ISLR2: variants seen among roughly 807,000 people sequenced by gnomAD.
ISLR2 encodes the protein immunoglobulin superfamily containing leucine-rich repeat protein 2.
Under a neutral mutation model 25.5 loss-of-function variants are expected in ISLR2, and 16 were observed. That is an observed-to-expected ratio of 0.63 (90% CI 0.43 to 0.95). The LOEUF is 0.95. Ranked by LOEUF, ISLR2 falls within the 40% of genes least tolerant of loss-of-function variation. ISLR2 has a pLI of 0.00. For missense variants in ISLR2, 883 were observed against 1,030.7 expected (o/e 0.86, Z 1.96); for synonymous variants, 508 against 486.6 (o/e 1.04, Z -0.58).
At chr15:74,125,863 A>AT (rs1385783209), upstream of ISLR2, 3 of 152,268 alleles carry the variant, frequency 2.0e-5, no homozygotes, top group South Asian at 2.1e-4. Context: ...GCAAATGTGG[A>AT]TTTTTTTGTT....
At chr15:74,137,572 G>C (rs2072583009), downstream of ISLR2, among the ~76,000 whole-genome samples, 1 of 152,148 alleles carries the variant, frequency 6.6e-6, no homozygotes, top group African/African-American at 2.4e-5. Flanking sequence ...AGAGACAGGG[G>C]GATCAAGAAA....
intron 2 of ISLR2, among the ~76,000 whole-genome samples, chr15:74,115,665 A>C (rs2072204470): frequency 6.6e-6 from 1 of 152,138 alleles, no homozygotes; most frequent in Non-Finnish European, 1.5e-5. Context: ...ACTGCACTCC[A>C]GCCTGGGTGA....
chr15:74,139,923 C>A (rs1213260040), downstream of ISLR2, among the ~76,000 whole-genome samples: 1 of 138,696 alleles, frequency 7.2e-6, no homozygotes, highest in African/African-American at 2.8e-5. Context: ...TCTTGAGAGA[C>A]CTGGAAAATG....
intron 1 of ISLR2, among the ~76,000 whole-genome samples, chr15:74,102,384 A>G (rs1006988495): frequency 2.2e-5 from 3 of 135,712 alleles, no homozygotes; most frequent in African/African-American, 8.5e-5. Flanking sequence ...CAAATTTAAC[A>G]TTAGACAGAC....
intron 2 of ISLR2, among the ~76,000 whole-genome samples, chr15:74,112,915 C>T (rs1050491006): frequency 6.6e-6 from 1 of 151,366 alleles, no homozygotes; most frequent in African/African-American, 2.4e-5. Flanking sequence ...GCAACCTGCA[C>T]CTCCCAGGCC....
chr15:74,133,030 A>G lies in ISLR2; in HGVS notation c.276A>G (p.Pro92=), dbSNP rs779435842. 18 of 1,613,244 alleles carry G rather than the reference A, an allele frequency of 1.1e-5. 1 individual carries two copies. In the South Asian group the frequency reaches 2.0e-4, roughly 18 times the overall value. ...ACAATGAGGTGCGCACCGTGGAGCC[A>G]GGCGCACTGGCCGTGCTGAGTCAGC... ...LAHNEVRTVE[P]GALAVLSQLK... Residue 92 remains proline, a synonymous_variant, in exon 3 of 3, where the codon CCA becomes CCG. Coordinates refer to ENST00000453268, the MANE Select transcript of ISLR2 (RefSeq NM_020851.3).
At chr15:74,136,971 C>G (rs987602286), downstream of ISLR2, among the ~76,000 whole-genome samples, 2 of 152,122 alleles carry the variant, frequency 1.3e-5, no homozygotes, top group Non-Finnish European at 2.9e-5. Flanking sequence ...TGCACCCAGC[C>G]CTGCTCTTAG....
At chr15:74,108,354 T>A (rs1157107010) in intron 2 of ISLR2, among the ~76,000 whole-genome samples, 1 of 151,958 alleles carries the variant, frequency 6.6e-6, no homozygotes, top group Non-Finnish European at 1.5e-5. Context: ...TCCAAACAAG[T>A]CCCTGTGTGT....
chr15:74,141,706 A>G (rs558843941), downstream of ISLR2, among the ~76,000 whole-genome samples: 1 of 152,292 alleles, frequency 6.6e-6, no homozygotes, highest in East Asian at 1.9e-4. Context: ...AAAGAAACCA[A>G]AGAGCACAGA....
chr15:74,139,280 C>T (rs2072597999), downstream of ISLR2, among the ~76,000 whole-genome samples: 1 of 152,204 alleles, frequency 6.6e-6, no homozygotes, highest in African/African-American at 2.4e-5. Flanking sequence ...AATCCCAGCC[C>T]TCTCAGGAAA....
Position 74,133,063 on chromosome 15 carries a change from C to T in ISLR2, c.309C>T (p.Asn103=), listed in dbSNP as rs1430623305. ...GALAVLSQLK[N]LDLSHNFISS... ...TGGCCGTGCTGAGTCAGCTCAAGAA[C>T]CTCGATCTGAGCCACAACTTCATAT... is the stretch of plus-strand genomic sequence containing the variant. The change falls in exon 3 of 3, where the codon AAC becomes AAT. Residue 103 remains asparagine, a synonymous_variant. Coordinates refer to ENST00000453268, the MANE Select transcript of ISLR2 (RefSeq NM_020851.3). 1 of 1,613,104 alleles carries T rather than the reference C, an allele frequency of 6.2e-7. No individual in the cohort carries two copies. Among genetic ancestry groups the T allele is most frequent in the Admixed American group, 1.7e-5 (1 of 60,024 alleles).
chr15:74,134,446 C>T lies in ISLR2; in HGVS notation c.1692C>T (p.Tyr564=), dbSNP rs760545016. ...GCGGCCTGCGGCCGGGTACCAACTACTCCGTGTGCCTGGCGCTGGCGGGCG... is the reference window on the plus strand; with the variant it reads ...GCGGCCTGCGGCCGGGTACCAACTATTCCGTGTGCCTGGCGCTGGCGGGCG... The part of the protein sequence containing the change: ...WFRGLRPGTN[Y]SVCLALAGEA... The change falls in exon 3 of 3, where the codon TAC becomes TAT. Residue 564 remains tyrosine (Y), a synonymous_variant. Coordinates refer to ENST00000453268, the MANE Select transcript of ISLR2 (RefSeq NM_020851.3). 3 of 1,612,970 alleles carry T rather than the reference C, an allele frequency of 1.9e-6. No individual in the cohort carries two copies. The highest frequency in any genetic ancestry group is 1.7e-5 in the Admixed American group (1 of 59,980).
At chr15:74,128,743 C>A (rs113874778), upstream of ISLR2, 272 of 441,162 alleles carry the variant, frequency 6.2e-4, no homozygotes, top group Middle Eastern at 1.0e-3. Context: ...CCATGCCGGA[C>A]CGGACTCAGC....
intron 2 of ISLR2, among the ~76,000 whole-genome samples, chr15:74,112,186 T>C (rs2072173284): frequency 6.6e-6 from 1 of 152,232 alleles, no homozygotes; most frequent in Non-Finnish European, 1.5e-5. Context: ...CTGGCATCTA[T>C]AACCCATTCA....
downstream of ISLR2, among the ~76,000 whole-genome samples, chr15:74,137,194 G>T (rs2072578742): frequency 6.6e-6 from 1 of 152,200 alleles, no homozygotes; most frequent in South Asian, 2.1e-4. Flanking sequence ...GTGTCACACT[G>T]CCCAGTTTCT....
At chr15:74,120,600 G>A (rs1344107954) in intron 2 of ISLR2, among the ~76,000 whole-genome samples, 1 of 152,010 alleles carries the variant, frequency 6.6e-6, no homozygotes, top group Non-Finnish European at 1.5e-5. Flanking sequence ...TGGGTTTACG[G>A]TGGTGCACTC....
In ISLR2 at chr15:74,133,459, G is replaced by A. The variant is rs771609309; in HGVS notation, c.705G>A (p.Val235=). 33 of 1,611,752 alleles carry A rather than the reference G, an allele frequency of 2.0e-5. No homozygotes were observed. Among genetic ancestry groups the A allele is most frequent in the Non-Finnish European group, 2.5e-5 (29 of 1,179,754 alleles). ...CCCTGCCCTGTGCACCGCCCAGCGT[G>A]CATCTGAGTGCCGAGCCACCGCTTG... ...LPALPCAPPS[V]HLSAEPPLEA... Residue 235 remains valine, a synonymous_variant, in exon 3 of 3, where the codon GTG becomes GTA. Transcript: ENST00000453268.
intron 2 of ISLR2, among the ~76,000 whole-genome samples, chr15:74,131,647 C>A (rs1288117897): frequency 6.6e-6 from 1 of 152,188 alleles, no homozygotes; most frequent in Non-Finnish European, 1.5e-5. Context: ...TTCATCTTCT[C>A]CAGCTTCATT....
rs2072549074 is a variant in ISLR2, at chr15:74,135,478, T to A, written c.*486T>A. 1 of 166,056 alleles carries A rather than the reference T, an allele frequency of 6.0e-6. No individual in the cohort carries two copies. Among genetic ancestry groups the A allele is most frequent in the Non-Finnish European group, 1.5e-5 (1 of 68,076 alleles). The allele number at this position is 166,056 out of a possible 1,614,324, so 10.3% of individuals were successfully genotyped here. A position where few individuals can be genotyped will look rare whatever the true frequency, so the allele number is the denominator to read the frequency against. ...CCTCCTCCTCCCTTTCTTTCTTTCC[T>A]TTTTTTTTATTTTTTAATTTTATTT... On this transcript the variant is annotated 3_prime_UTR_variant, in exon 3 of 3. Coordinates refer to ENST00000453268, the MANE Select transcript of ISLR2 (RefSeq NM_020851.3).
Sources: allele counts gnomAD v4.1 joint callset (sites outside exome capture counted in the v4.1 genomes callset), GRCh38; gene constraint gnomAD v4.1.1; transcripts MANE v1.5; gene names NCBI Gene and HGNC (gene_info 2026-07-23, HGNC 2026-07-21).